EHBP1: variants seen among roughly 807,000 people sequenced by gnomAD.
EHBP1 encodes EH domain-binding protein 1.
A neutral mutation model predicts 144.0 loss-of-function variants in EHBP1; 55 were observed. That is an observed-to-expected ratio of 0.38 (90% CI 0.31 to 0.48). EHBP1 has a LOEUF of 0.48. Ranked by LOEUF, EHBP1 falls within the 20% of genes least tolerant of loss-of-function variation. The pLI, the probability that EHBP1 is intolerant of heterozygous loss-of-function variation, is 0.98. For synonymous variants in EHBP1, 469 were observed against 472.7 expected (o/e 0.99, Z 0.10); for missense variants, 1,200 against 1,364.2 (o/e 0.88, Z 1.90).
At chr2:62,960,268 CCTCT>C (rs1362359501) in intron 14 of EHBP1, among the ~76,000 whole-genome samples, 1 of 152,004 alleles carries the variant, frequency 6.6e-6, no homozygotes, top group Non-Finnish European at 1.5e-5. Flanking sequence ...TCATTTCTTA[CCTCT>C]CTCATTTTTT....
chr2:62,739,816 G>A (rs561531991), intron 2 of EHBP1, among the ~76,000 whole-genome samples: 2 of 151,744 alleles, frequency 1.3e-5, no homozygotes, highest in East Asian at 1.9e-4. Context: ...TGTGCCTGTA[G>A]TCCTAGCTAC....
chr2:62,842,244 ACT>A (rs1464191354), intron 7 of EHBP1, among the ~76,000 whole-genome samples: 7 of 152,042 alleles, frequency 4.6e-5, no homozygotes, highest in Non-Finnish European at 8.8e-5. Flanking sequence ...GTGCCACCAC[ACT>A]CAGCTAATTT....
At chr2:62,806,813 A>G (rs1417327033) in intron 5 of EHBP1, among the ~76,000 whole-genome samples, 2 of 152,092 alleles carry the variant, frequency 1.3e-5, no homozygotes, top group African/African-American at 4.8e-5. Flanking sequence ...CTTTCAAATA[A>G]CACCATGCCA....
chr2:62,703,939 T>G (rs1193891787), upstream of EHBP1, among the ~76,000 whole-genome samples: 1 of 152,140 alleles, frequency 6.6e-6, no homozygotes, highest in Non-Finnish European at 1.5e-5. Context: ...ATAAATAGGG[T>G]GCAAAAACCT....
chr2:62,732,105 G>T (rs1050957516), intron 2 of EHBP1, among the ~76,000 whole-genome samples: 1 of 152,010 alleles, frequency 6.6e-6, no homozygotes, highest in African/African-American at 2.4e-5. Flanking sequence ...AAAGACTGAT[G>T]TTATTGTTGC....
At chr2:62,850,563 G>A (rs2048620559) in intron 7 of EHBP1, among the ~76,000 whole-genome samples, 1 of 152,042 alleles carries the variant, frequency 6.6e-6, no homozygotes, top group African/African-American at 2.4e-5. Flanking sequence ...ACAGTTACAG[G>A]AAATATATGG....
chr2:62,957,339 G>A (rs1053322190), intron 14 of EHBP1, among the ~76,000 whole-genome samples: 34 of 151,864 alleles, frequency 2.2e-4, no homozygotes, highest in African/African-American at 8.0e-4. Context: ...GGATAGAAAG[G>A]AACTTTATTA....
chr2:62,831,208 C>G lies in EHBP1; in HGVS notation c.634+50C>G, dbSNP rs370328696. Reference sequence around the variant, plus strand: ...AAAGTTTATCTTTTGTTGCAGAGTTCAAAAACTCATTCTCATTTCCCAGGA... The same window carrying G: ...AAAGTTTATCTTTTGTTGCAGAGTTGAAAAACTCATTCTCATTTCCCAGGA... On this transcript the variant is annotated intron_variant, in intron 7 of 22. Coordinates refer to ENST00000431489, the MANE Select transcript of EHBP1 (RefSeq NM_001142616.3). 5.3e-6 allele frequency: 8 copies of G among 1,516,218 alleles called. No individual in the cohort carries two copies. The African/African-American group carries it at 1.2e-4, about 22-fold the overall frequency. The allele number at this position is 1,516,218 out of a possible 1,614,324, so 93.9% of individuals were successfully genotyped here. A position where few individuals can be genotyped will look rare whatever the true frequency, so the allele number is the denominator to read the frequency against.
intron 10 of EHBP1, among the ~76,000 whole-genome samples, chr2:62,894,397 A>C (rs961494367): frequency 9.9e-5 from 15 of 152,164 alleles, no homozygotes; most frequent in African/African-American, 3.6e-4. Flanking sequence ...GAAGAGGGAG[A>C]GAGAGAGAGA....
chr2:62,713,970 A>G (rs1246330842), intron 2 of EHBP1, among the ~76,000 whole-genome samples: 1 of 152,214 alleles, frequency 6.6e-6, no homozygotes, highest in East Asian at 1.9e-4. Flanking sequence ...ACTTAATGCC[A>G]TAATTGGATA....
At position 62,893,371 on chromosome 2, in the gene EHBP1, A is replaced by C. The variant is rs556912722; in HGVS notation, c.1185+18839A>C. 1.4e-3 allele frequency among the ~76,000 whole-genome samples: 217 copies of C among 152,312 alleles called. 1 individual carries two copies. The highest frequency in any genetic ancestry group is 5.1e-3 in the African/African-American group (210 of 41,554). On this transcript the variant is annotated intron_variant, in intron 10 of 22. Coordinates refer to ENST00000431489, the MANE Select transcript of EHBP1 (RefSeq NM_001142616.3). Reference sequence around the variant, plus strand: ...ACGGTGTGAGATGTTAAAGTGCTGTAAAGTAGAATCTGAAATCTCTTCAAG... The same window carrying C: ...ACGGTGTGAGATGTTAAAGTGCTGTCAAGTAGAATCTGAAATCTCTTCAAG...
At chr2:63,024,481 G>C (rs2060889224) in intron 19 of EHBP1, among the ~76,000 whole-genome samples, 1 of 151,712 alleles carries the variant, frequency 6.6e-6, no homozygotes, top group South Asian at 2.1e-4. Flanking sequence ...ATGTGTTTGT[G>C]GTCCCAGCTA....
In EHBP1 at chr2:63,037,496, A is replaced by G. The variant is rs367938861; in HGVS notation, c.3104-39A>G. ...GCTAAACTACTATTTGGCTTGTTTTAACATCGTATAGTAAAAGGTAACTCT... is the reference window on the plus strand; with the variant it reads ...GCTAAACTACTATTTGGCTTGTTTTGACATCGTATAGTAAAAGGTAACTCT... On this transcript the variant is annotated intron_variant, in intron 19 of 22. Coordinates refer to ENST00000431489, the MANE Select transcript of EHBP1 (RefSeq NM_001142616.3). The G allele has an allele frequency of 5.6e-6, 8 of 1,419,162 alleles. No homozygotes were observed. The African/African-American group carries it at 1.0e-4, about 18-fold the overall frequency. The allele number at this position is 1,419,162 out of a possible 1,614,324, so 87.9% of individuals were successfully genotyped here. A position where few individuals can be genotyped will look rare whatever the true frequency, so the allele number is the denominator to read the frequency against.
chr2:62,839,678 A>G (rs2047626459), intron 7 of EHBP1, among the ~76,000 whole-genome samples: 1 of 151,930 alleles, frequency 6.6e-6, no homozygotes, highest in Admixed American at 6.6e-5. Flanking sequence ...AAAAATCACA[A>G]GCATTCTTAT....
intron 14 of EHBP1, among the ~76,000 whole-genome samples, chr2:62,978,778 A>G (rs937312289): frequency 6.6e-6 from 1 of 152,160 alleles, no homozygotes; most frequent in Non-Finnish European, 1.5e-5. Context: ...TTCTGCTATC[A>G]AAGACGTCTT....
At chr2:62,687,962 T>C (rs765095037) in intron 1 of EHBP1, among the ~76,000 whole-genome samples, 6 of 152,198 alleles carry the variant, frequency 3.9e-5, no homozygotes, top group Admixed American at 2.0e-4. Context: ...AACTATCAGA[T>C]GTGCCTACTT....
intron 5 of EHBP1, among the ~76,000 whole-genome samples, chr2:62,822,716 C>T (rs2046071355): frequency 6.6e-6 from 1 of 152,132 alleles, no homozygotes; most frequent in Non-Finnish European, 1.5e-5. Context: ...TTCTTATCAA[C>T]ACTTGGTAAT....
intron 19 of EHBP1, among the ~76,000 whole-genome samples, chr2:63,003,192 G>A (rs2059914359): frequency 6.6e-6 from 1 of 151,904 alleles, no homozygotes; most frequent in African/African-American, 2.4e-5. Context: ...TGCTATATAA[G>A]TATTAATTAA....
At chr2:62,687,835 T>C (rs2033769963) in intron 1 of EHBP1, among the ~76,000 whole-genome samples, 1 of 152,008 alleles carries the variant, frequency 6.6e-6, no homozygotes, top group Non-Finnish European at 1.5e-5. Flanking sequence ...AAGTATGAGG[T>C]TGAATAGATT....
Sources: allele counts gnomAD v4.1 joint callset (sites outside exome capture counted in the v4.1 genomes callset), GRCh38; gene constraint gnomAD v4.1.1; transcripts MANE v1.5; gene names NCBI Gene and HGNC (gene_info 2026-07-23, HGNC 2026-07-21).